Variants in USP43 observed in about 807,000 individuals in gnomAD.
The protein encoded by USP43 is ubiquitin carboxyl-terminal hydrolase 43.
In USP43, 33 loss-of-function variants were observed where a neutral mutation model predicts 90.7. That is an observed-to-expected ratio of 0.36 (90% CI 0.28 to 0.49). USP43 has a LOEUF of 0.49. Among genes scored for constraint, USP43 ranks in the 20% least tolerant of loss-of-function variants. The pLI, the probability that USP43 is intolerant of heterozygous loss-of-function variation, is 0.98. For missense variants in USP43, 1,274 were observed against 1,476.4 expected (o/e 0.86, Z 2.25); for synonymous variants, 598 against 615.8 (o/e 0.97, Z 0.43).
chr17:9,695,009 A>G (rs1292527204), intron 9 of USP43, among the ~76,000 whole-genome samples: 1 of 152,218 alleles, frequency 6.6e-6, no homozygotes, highest in African/African-American at 2.4e-5. Context: ...TAGTTTGAGA[A>G]GCGCTAGAAT....
intron 13 of USP43, among the ~76,000 whole-genome samples, chr17:9,711,667 G>A (rs1360095636): frequency 2.0e-5 from 3 of 152,266 alleles, no homozygotes; most frequent in Non-Finnish European, 2.9e-5. Context: ...CTGACCTCAG[G>A]TGATCTGCTC....
chr17:9,691,101 T>G (rs1914919547), intron 8 of USP43, among the ~76,000 whole-genome samples: 1 of 147,130 alleles, frequency 6.8e-6, no homozygotes, highest in African/African-American at 2.6e-5. Context: ...ATCTCAGAAT[T>G]TCCTTCATTT....
chr17:9,716,868 G>A (rs372586468), intron 14 of USP43, among the ~76,000 whole-genome samples: 3 of 152,160 alleles, frequency 2.0e-5, no homozygotes, highest in Non-Finnish European at 4.4e-5. Flanking sequence ...AGGTGCGGTG[G>A]CACATGCCTG....
At chr17:9,657,229 G>A (rs571901322) in intron 2 of USP43, among the ~76,000 whole-genome samples, 10 of 152,222 alleles carry the variant, frequency 6.6e-5, no homozygotes, top group South Asian at 2.1e-4. Flanking sequence ...ACCTGAGGCC[G>A]GGCGCGGTGA....
intron 5 of USP43, among the ~76,000 whole-genome samples, chr17:9,677,897 C>T (rs1913894195): frequency 6.6e-6 from 1 of 152,328 alleles, no homozygotes; most frequent in South Asian, 2.1e-4. Context: ...CTCCCCATCA[C>T]CCCAGTGGGC....
intron 2 of USP43, among the ~76,000 whole-genome samples, chr17:9,659,607 C>A (rs181037797): frequency 6.6e-6 from 1 of 152,202 alleles, no homozygotes; most frequent in Admixed American, 6.5e-5. Flanking sequence ...CTCTCCTCTC[C>A]CTGGCTGTAC....
intron 1 of USP43, among the ~76,000 whole-genome samples, chr17:9,649,530 C>G (rs773806293): frequency 6.6e-6 from 1 of 151,760 alleles, no homozygotes; most frequent in African/African-American, 2.4e-5. Context: ...TCCCCTGCCT[C>G]CCTCCTTCCT....
chr17:9,646,279 A>G lies in USP43; in HGVS notation c.504+143A>G, dbSNP rs547696492. ...GCCCCGGATTACCGGCTTTGTTTTG[A>G]GTCGATGTGTTACGCTGTCGCTTGC... On this transcript the variant is annotated intron_variant, in intron 1 of 14. Coordinates refer to ENST00000285199, the MANE Select transcript of USP43 (RefSeq NM_153210.5). 206 of 1,137,032 alleles carry G rather than the reference A, an allele frequency of 1.8e-4. No individual in the cohort carries two copies. In the African/African-American group the frequency reaches 2.5e-3, roughly 14 times the overall value. 70.4% of individuals were successfully genotyped at this position (1,137,032 alleles called of 1,614,324 possible). A position where few individuals can be genotyped will look rare whatever the true frequency, so the allele number is the denominator to read the frequency against.
chr17:9,676,453 TC>T (rs1338789149), intron 4 of USP43, among the ~76,000 whole-genome samples: 3 of 152,154 alleles, frequency 2.0e-5, no homozygotes, highest in African/African-American at 7.2e-5. Context: ...CACTACAAGC[TC>T]CGCCTCTCAG....
At chr17:9,688,155 T>G (rs984628467) in intron 8 of USP43, among the ~76,000 whole-genome samples, 3 of 148,494 alleles carry the variant, frequency 2.0e-5, no homozygotes, top group South Asian at 2.1e-4. Flanking sequence ...CCAGCTAACT[T>G]TTTTGTATTT....
chr17:9,659,599 C>G (rs759248189), intron 2 of USP43, among the ~76,000 whole-genome samples: 10 of 152,028 alleles, frequency 6.6e-5, no homozygotes, highest in African/African-American at 9.7e-5. Flanking sequence ...TTTTTACTCT[C>G]TCCTCTCCCT....
At chr17:9,682,675 A>G (rs957818692) in intron 6 of USP43, 148 bp from the exon 7 acceptor site, 42 of 975,222 alleles carry the variant, frequency 4.3e-5, no homozygotes, top group Middle Eastern at 2.5e-4. Flanking sequence ...CATGAACCTC[A>G]TTATCTCCTC....
At position 9,726,222 on chromosome 17, in the gene USP43, T is replaced by C. The variant is rs1036371175; in HGVS notation, c.2336-1732T>C. Among the ~76,000 whole-genome samples, 5 of 152,132 alleles carry C rather than the reference T, an allele frequency of 3.3e-5. No individual in the cohort carries two copies. The East Asian group carries it at 9.7e-4, about 29-fold the overall frequency. On this transcript the variant is annotated intron_variant, in intron 14 of 14. Transcript: ENST00000285199. ...TGCCTCCCCCGCGTTCCTGCAGCAT[T>C]CACTCCCCTGCACCTCATTCTTTTG...
chr17:9,645,848 C>T lies in USP43; in HGVS notation c.216C>T (p.Pro72=). ...ACAPGPVPAA[P]GSPGEERPPG... ...CCCCGGGCCCAGTTCCAGCGGCCCCCGGGAGCCCCGGGGAGGAACGCCCGC... is the reference window on the plus strand; with the variant it reads ...CCCCGGGCCCAGTTCCAGCGGCCCCTGGGAGCCCCGGGGAGGAACGCCCGC... Residue 72 remains proline (P), a synonymous_variant, in exon 1 of 15, where the codon CCC becomes CCT. Transcript: ENST00000285199. The surrounding 1 kb of genome is among the most constrained non-coding windows in gnomAD (Gnocchi z 6.8). 2.1e-6 allele frequency: 3 copies of T among 1,408,540 alleles called. No individual in the cohort carries two copies. Among genetic ancestry groups the T allele is most frequent in the South Asian group, 1.6e-5 (1 of 62,010 alleles). 87.3% of individuals were successfully genotyped at this position (1,408,540 alleles called of 1,614,324 possible).
intron 1 of USP43, among the ~76,000 whole-genome samples, chr17:9,654,572 C>T (rs1028835472): frequency 3.3e-5 from 5 of 151,210 alleles, no homozygotes; most frequent in Non-Finnish European, 7.4e-5. Context: ...ATCACTTGAA[C>T]CCATAGGTGG....
intron 5 of USP43, among the ~76,000 whole-genome samples, chr17:9,677,273 GCC>G (rs1913845355): frequency 6.6e-6 from 1 of 152,196 alleles, no homozygotes; most frequent in South Asian, 2.1e-4. Flanking sequence ...GAATAAAGAA[GCC>G]CTGAGAGGTT....
Position 9,666,679 on chromosome 17 carries a change from A to G in USP43, c.668A>G (p.Asn223Ser). ...CCTGAAGCCACTAAAACCTCTGAGAACTGCCTGTCACCATCAGCTCAGCTT... is the reference window on the plus strand; with the variant it reads ...CCTGAAGCCACTAAAACCTCTGAGAGCTGCCTGTCACCATCAGCTCAGCTT... ...LPPEATKTSE[N>S]CLSPSAQLPL... is the part of the protein sequence containing the mutation. Residue 223 changes from asparagine (N) to serine (S), a missense_variant, in exon 3 of 15, where the codon AAC (asparagine) becomes AGC (serine). Physicochemically the swap from Asn to Ser is conservative, Grantham distance 46 (BLOSUM62 1). Around this residue, in one of 6 missense-constraint regions of USP43, gnomAD observed 259 missense variants for 373.7 expected, o/e 0.69. Coordinates refer to ENST00000285199, the MANE Select transcript of USP43 (RefSeq NM_153210.5). 1 of 1,613,292 alleles carries G rather than the reference A, an allele frequency of 6.2e-7. No homozygotes were observed.
At chr17:9,693,369 GT>G (rs1915074721) in intron 9 of USP43, 139 bp downstream of exon 9, 1 of 711,492 alleles carries the variant, frequency 1.4e-6, no homozygotes, top group East Asian at 2.7e-5. Context: ...CAGCCGCTAT[GT>G]TAGGTCATTG....
intron 14 of USP43, among the ~76,000 whole-genome samples, chr17:9,712,827 T>C (rs1280091153): frequency 6.6e-6 from 1 of 152,202 alleles, no homozygotes; most frequent in African/African-American, 2.4e-5. Context: ...ATGCTTCTGC[T>C]TTAATCATTG....
Sources: allele counts gnomAD v4.1 joint callset (sites outside exome capture counted in the v4.1 genomes callset), GRCh38; gene constraint gnomAD v4.1.1; regional missense constraint gnomAD v4.1.1; non-coding constraint Gnocchi (gnomAD v3.1); transcripts MANE v1.5; gene names NCBI Gene and HGNC (gene_info 2026-07-23, HGNC 2026-07-21).